Variants in DLGAP3 observed in about 807,000 individuals in gnomAD.
DLGAP3 encodes DLG associated protein 3, also known as disks large-associated protein 3.
In DLGAP3, 17 loss-of-function variants were observed where a neutral mutation model predicts 81.2. The observed-to-expected ratio is 0.21, with a 90% CI of 0.14 to 0.31. The LOEUF (loss-of-function observed/expected upper bound fraction) is 0.31, where lower values mean the gene tolerates loss of function less well. Ranked by LOEUF, DLGAP3 falls within the 10% of genes least tolerant of loss-of-function variation. The probability of loss-of-function intolerance (pLI) is 1.00; values close to 1 mark genes in which losing one functional copy is unlikely to be tolerated. For synonymous variants in DLGAP3, 577 were observed against 587.4 expected, an observed-to-expected ratio of 0.98 and a Z score of 0.26; for missense variants, 1,124 against 1,388.0, an observed-to-expected ratio of 0.81 and a Z score of 3.02.
At chr1:34,898,430 C>T (rs1278491356) in intron 5 of DLGAP3, among the ~76,000 whole-genome samples, 1 of 152,170 alleles carries the variant, frequency 6.6e-6, no homozygotes, top group Non-Finnish European at 1.5e-5. Context: ...AAAATGAGGG[C>T]TAAGCATTAA....
Position 34,868,745 on chromosome 1 carries a change from A to C in DLGAP3, c.2345T>G (p.Leu782Arg). Residue 782 changes from leucine to arginine, a missense_variant, in exon 9 of 12, where the codon CTC becomes CGC. By Grantham distance (102) the Leu-to-Arg change is moderately radical. Around this residue, in one of 9 missense-constraint regions of DLGAP3, gnomAD observed 379 missense variants for 455.7 expected, o/e 0.83. Transcript: ENST00000373347. The surrounding 1 kb of genome is among the most constrained non-coding windows in gnomAD (Gnocchi z 7.5). ...GGGGGATGCGCGGCCTGAGTCGGGG[A>C]GGCTACGTGAACCGCGCTCTATCCA... is the stretch of plus-strand genomic sequence containing the variant. ...DSWIERGSRS[L>R]PDSGRASPCP... 1 of 1,607,706 alleles carries C rather than the reference A, an allele frequency of 6.2e-7. No homozygotes were observed. The highest frequency in any genetic ancestry group is 1.1e-5 in the South Asian group (1 of 91,042).
chr1:34,906,016 T>TTATA (rs150603784), intron 2 of DLGAP3, among the ~76,000 whole-genome samples: 2,809 of 64,828 alleles, frequency 0.043, 522 homozygotes, highest in African/African-American at 0.12. Flanking sequence ...GCCTCTAAAT[T>TTATA]TATATATATA....
rs771129692 is a variant in DLGAP3, at chr1:34,902,555, C to T, written c.1107+1722G>A. Among the ~76,000 whole-genome samples, 1 of 152,026 alleles carries T rather than the reference C, an allele frequency of 6.6e-6. No individual in the cohort carries two copies. Among genetic ancestry groups the T allele is most frequent in the East Asian group, 1.9e-4 (1 of 5,160 alleles). On this transcript the variant is annotated intron_variant, in intron 3 of 11. Transcript: ENST00000373347. This position sits in a 1 kb window ranked among gnomAD's most constrained non-coding sequence, Gnocchi z 4.4. ...CCCCTGCTTTTGTACCAGGGGAGTG[C>T]GAGGCTGTCTGGAGGGTCCCTATAG...
rs1054824773 is a variant in DLGAP3, at chr1:34,904,925, C to T, written c.459G>A (p.Ala153=). The change falls in exon 3 of 12, where the codon GCG becomes GCA. Residue 153 remains alanine, a synonymous_variant. Transcript: ENST00000373347. This position sits in a 1 kb window ranked among gnomAD's most constrained non-coding sequence, Gnocchi z 8.1. ...RGPAGAGPGP[A]PGTGTAPEPR... Reference sequence around the variant, plus strand: ...GCTCTGGGGCAGTGCCCGTCCCTGGCGCTGGCCCGGGCCCTGCCCCTGCTG... The same window carrying T: ...GCTCTGGGGCAGTGCCCGTCCCTGGTGCTGGCCCGGGCCCTGCCCCTGCTG... 4.3e-6 allele frequency: 7 copies of T among 1,612,192 alleles called. No individual in the cohort carries two copies. The highest frequency in any genetic ancestry group is 3.3e-5 in the South Asian group (3 of 91,070).
chr1:34,885,074 G>A lies in DLGAP3; in HGVS notation c.1915-11C>T. ...TGAGATCGTCTCCACCTGGTGGCAG[G>A]GTGGAGGAGTCAGTGGCTGTGGCGA... On this transcript the variant is annotated splice_polypyrimidine_tract_variant and intron_variant, in intron 7 of 11. Transcript: ENST00000373347. The A allele has an allele frequency of 6.2e-7, 1 of 1,611,782 alleles. No individual in the cohort carries two copies. Among genetic ancestry groups the A allele is most frequent in the South Asian group, 1.1e-5 (1 of 91,010 alleles).
intron 8 of DLGAP3, among the ~76,000 whole-genome samples, chr1:34,876,254 G>T (rs796429223): frequency 9.8e-4 from 149 of 152,352 alleles, no homozygotes; most frequent in African/African-American, 3.3e-3. Context: ...CAACTGGAAG[G>T]ACTCACAGAC....
intron 5 of DLGAP3, among the ~76,000 whole-genome samples, chr1:34,893,821 C>G (rs942565682): frequency 6.6e-6 from 1 of 151,986 alleles, no homozygotes; most frequent in Non-Finnish European, 1.5e-5. Flanking sequence ...TGATTTAATA[C>G]AAAAGAAGAC....
In DLGAP3 at chr1:34,899,066, T is replaced by G. The variant is rs534566394; in HGVS notation, c.1386+603A>C. 1.8e-3 allele frequency among the ~76,000 whole-genome samples: 271 copies of G among 150,656 alleles called. 1 individual carries two copies. Among genetic ancestry groups the G allele is most frequent in the Non-Finnish European group, 2.8e-3 (193 of 67,834 alleles). ...TGAGGCTGCAGCTTGGCCTGCGCCC[T>G]GTCTGTACAAATCAATTCTACTTTT... On this transcript the variant is annotated intron_variant, in intron 5 of 11. Coordinates refer to ENST00000373347, the MANE Select transcript of DLGAP3 (RefSeq NM_001080418.3).
chr1:34,920,377 G>A (rs1345914434), intron 1 of DLGAP3, among the ~76,000 whole-genome samples: 1 of 152,194 alleles, frequency 6.6e-6, no homozygotes, highest in East Asian at 1.9e-4. Context: ...AAAAGGAAGG[G>A]AGAACTGCAG....
chr1:34,888,633 A>G (rs1193739673), intron 5 of DLGAP3, among the ~76,000 whole-genome samples: 1 of 152,248 alleles, frequency 6.6e-6, no homozygotes, highest in East Asian at 1.9e-4. Flanking sequence ...AAGGAGCTTC[A>G]TTACAAGTGT....
At position 34,868,618 on chromosome 1, in the gene DLGAP3, C is replaced by T. The variant is rs1638923738; in HGVS notation, c.2472G>A (p.Glu824=). The change falls in exon 9 of 12, where the codon GAG becomes GAA. Residue 824 remains glutamate, a synonymous_variant. Transcript: ENST00000373347. The surrounding 1 kb of genome is among the most constrained non-coding windows in gnomAD (Gnocchi z 7.5). ...GCCGTGACTCACTCTCCTCGGGTAGCTCATAGTCCTCCGCCTCACGCTCCA... is the reference window on the plus strand; with the variant it reads ...GCCGTGACTCACTCTCCTCGGGTAGTTCATAGTCCTCCGCCTCACGCTCCA... ...QQMEREAEDY[E]LPEEILEKIR... 2 of 1,612,816 alleles carry T rather than the reference C, an allele frequency of 1.2e-6. No individual in the cohort carries two copies. The highest frequency in any genetic ancestry group is 1.7e-6 in the Non-Finnish European group (2 of 1,179,906).
intron 1 of DLGAP3, among the ~76,000 whole-genome samples, chr1:34,913,993 G>T (rs189177005): frequency 6.6e-6 from 1 of 152,218 alleles, no homozygotes; most frequent in East Asian, 1.9e-4. Flanking sequence ...AGGGAGAAGG[G>T]AGAATAAGAA....
rs757543767 is a variant in DLGAP3, at chr1:34,904,626, T to C, written c.758A>G (p.His253Arg). ...CCACCAGCCTGTGGACTTGGCCTGG[T>C]GCCGCCCATCCCCCTTGCGGTCCTT... ...KSKDRKGDGRHQAKSTGWWSS... is the reference protein window; with the variant it reads ...KSKDRKGDGRRQAKSTGWWSS... The change falls in exon 3 of 12, where the codon CAC becomes CGC. Residue 253 changes from histidine to arginine, a missense_variant. This residue lies in a region of DLGAP3 where 357 missense variants were observed against 408.8 expected (regional missense o/e 0.87). Coordinates refer to ENST00000373347, the MANE Select transcript of DLGAP3 (RefSeq NM_001080418.3). The surrounding 1 kb of genome is among the most constrained non-coding windows in gnomAD (Gnocchi z 8.1). 1 of 1,614,054 alleles carries C rather than the reference T, an allele frequency of 6.2e-7. No individual in the cohort carries two copies. Among genetic ancestry groups the C allele is most frequent in the Non-Finnish European group, 8.5e-7 (1 of 1,180,024 alleles).
In DLGAP3 at chr1:34,887,177, G is replaced by T. The variant is rs372401547; in HGVS notation, c.1387-892C>A. The stretch of plus-strand genomic sequence containing the variant: ...TCACCGTATTAGCCAGGATGGTCTC[G>T]ATCTCCTGACCTCATAATCTGCCCG... On this transcript the variant is annotated intron_variant, in intron 5 of 11. Transcript: ENST00000373347. 2.1e-4 allele frequency among the ~76,000 whole-genome samples: 32 copies of T among 151,840 alleles called. No individual in the cohort carries two copies. In the East Asian group the frequency reaches 5.6e-3, roughly 27 times the overall value.
Position 34,904,838 on chromosome 1 carries a change from G to T in DLGAP3, c.546C>A (p.Ala182=). ...HLVHSVQKLF[A]KSHSLEAPGK... is the part of the protein sequence containing the mutation. ...CCGGCGCCTCCAGAGAGTGGGACTT[G>T]GCAAAGAGCTTCTGCACAGAATGAA... is the stretch of plus-strand genomic sequence containing the variant. The change falls in exon 3 of 12, where the codon GCC becomes GCA. Residue 182 remains alanine (A), a synonymous_variant. Transcript: ENST00000373347. This position sits in a 1 kb window ranked among gnomAD's most constrained non-coding sequence, Gnocchi z 8.1. 6.2e-7 allele frequency: 1 copy of T among 1,610,106 alleles called. No individual in the cohort carries two copies. The highest frequency in any genetic ancestry group is 1.1e-5 in the South Asian group (1 of 91,090).
chr1:34,888,955 C>A (rs2148404087), intron 5 of DLGAP3, among the ~76,000 whole-genome samples: 1 of 152,286 alleles, frequency 6.6e-6, no homozygotes, highest in South Asian at 2.1e-4. Flanking sequence ...CTAACCCTAG[C>A]AGAAAGCACA....
Position 34,867,718 on chromosome 1 carries a change from G to A in DLGAP3, c.2486-91C>T. ...TGCCCTGAATGACGCTGACCCCTCG[G>A]TTGCTTGGCACTGTGTATCCATCAG... On this transcript the variant is annotated intron_variant, in intron 9 of 11. Transcript: ENST00000373347. The surrounding 1 kb of genome is among the most constrained non-coding windows in gnomAD (Gnocchi z 4.3). 9.4e-7 allele frequency: 1 copy of A among 1,066,644 alleles called. No homozygotes were observed. Among genetic ancestry groups the A allele is most frequent in the Admixed American group, 1.7e-5 (1 of 58,106 alleles). 66.1% of individuals were successfully genotyped at this position (1,066,644 alleles called of 1,614,324 possible). A position where few individuals can be genotyped will look rare whatever the true frequency, so the allele number is the denominator to read the frequency against.
At chr1:34,869,279 C>G (rs1638942555) in intron 8 of DLGAP3, among the ~76,000 whole-genome samples, 190 bp from the exon 9 acceptor site, 1 of 152,156 alleles carries the variant, frequency 6.6e-6, no homozygotes. Flanking sequence ...TGCACTGCCT[C>G]TAGATAGGGG....
chr1:34,869,137 G>A, intron 8 of DLGAP3, 48 bp from the exon 9 acceptor site: 1 of 1,405,402 alleles, frequency 7.1e-7, no homozygotes, highest in East Asian at 2.3e-5. Context: ...GCTCATGCCA[G>A]CTCTCACCCC....
Sources: gnomAD v4.1 joint callset for allele counts (sites outside exome capture counted in the v4.1 genomes callset) on GRCh38, gnomAD v4.1.1 for gene constraint, gnomAD v4.1.1 regional missense constraint, Gnocchi (gnomAD v3.1) non-coding constraint, MANE v1.5 for transcripts, NCBI Gene and HGNC (gene_info 2026-07-23, HGNC 2026-07-21) for gene names.